The following MBP variants were observed in gnomAD, a reference collection of about 807,000 sequenced individuals.
MBP encodes the protein Golli-MBP.
MBP carries 16 observed loss-of-function variants against 35.8 expected under a neutral mutation model. That is an observed-to-expected ratio of 0.45 (90% confidence interval 0.30 to 0.68). MBP has a LOEUF of 0.68. MBP is among the 30% of genes least tolerant of loss of function. MBP has a pLI of 0.08. For synonymous variants in MBP, 143 were observed against 159.6 expected (o/e 0.90, Z 0.78); for missense variants, 380 against 404.7 (o/e 0.94, Z 0.52).
chr18:77,021,643 C>T (rs981618226), intron 3 of MBP, among the ~76,000 whole-genome samples: 3 of 152,082 alleles, frequency 2.0e-5, no homozygotes, highest in Non-Finnish European at 4.4e-5. Context: ...GCCACTGTGC[C>T]CAGCTAATTT....
At chr18:76,984,341 C>T (rs577225971) in intron 8 of MBP, 175 of 183,194 alleles carry the variant, frequency 9.6e-4, no homozygotes, top group African/African-American at 1.4e-3. Context: ...CATGAGCCGA[C>T]GGGACACTCC....
intron 4 of MBP, among the ~76,000 whole-genome samples, chr18:76,996,961 A>G (rs2123230047): frequency 6.6e-6 from 1 of 152,258 alleles, no homozygotes; most frequent in Admixed American, 6.5e-5. Flanking sequence ...AAATTTTCTG[A>G]TTGGCAGTCT....
chr18:77,043,385 C>T (rs545398438), intron 3 of MBP, among the ~76,000 whole-genome samples: 32 of 152,298 alleles, frequency 2.1e-4, no homozygotes, highest in Non-Finnish European at 4.0e-4. Flanking sequence ...CTTTAAATCT[C>T]ACTGTAACAT....
chr18:77,059,541 AAATT>A (rs144766685), intron 3 of MBP, among the ~76,000 whole-genome samples: 1,641 of 151,842 alleles, frequency 0.011, 37 homozygotes, highest in African/African-American at 0.036. Flanking sequence ...ATTAAAATTA[AAATT>A]AATTAATTTT....
At chr18:77,065,749 T>C (rs1466682185) in intron 3 of MBP, 2 of 153,118 alleles carry the variant, frequency 1.3e-5, no homozygotes, top group Non-Finnish European at 1.5e-5. Flanking sequence ...GCCTGGGAAA[T>C]GCTGAATGTC....
At chr18:77,055,401 G>A (rs1290657878) in intron 3 of MBP, among the ~76,000 whole-genome samples, 2 of 152,180 alleles carry the variant, frequency 1.3e-5, no homozygotes, top group Non-Finnish European at 2.9e-5. Context: ...CCTGACCCAG[G>A]AGGTGCATGG....
intron 7 of MBP, chr18:76,987,084 G>A (rs1969601281): frequency 1.0e-6 from 1 of 985,354 alleles, no homozygotes; most frequent in African/African-American, 1.7e-5. Context: ...AGAGATGCAG[G>A]GAGGAATGCA....
rs74419480 is a variant in MBP, at chr18:77,017,355, C to G, written c.140-87G>C. 1.8e-3 allele frequency: 2,268 copies of G among 1,290,044 alleles called. 41 individuals are homozygous for G. In the African/African-American group the frequency reaches 0.03, roughly 17 times the overall value. 79.9% of individuals were successfully genotyped at this position (1,290,044 alleles called of 1,614,324 possible). Reference sequence around the variant, plus strand: ...CTTTCTCTGAGGGGTCTTGACCTAGCTGTCTCCTATAAAACCCACAGAATA... The same window carrying G: ...CTTTCTCTGAGGGGTCTTGACCTAGGTGTCTCCTATAAAACCCACAGAATA... On this transcript the variant is annotated intron_variant, in intron 3 of 8. Coordinates refer to ENST00000355994, the MANE Select transcript of MBP (RefSeq NM_001025101.2).
At chr18:77,070,391 C>A (rs144760683) in intron 2 of MBP, among the ~76,000 whole-genome samples, 158 of 152,320 alleles carry the variant, frequency 1.0e-3, no homozygotes, top group African/African-American at 3.7e-3. Context: ...GAATCTGTTT[C>A]TTATCCATAA....
At chr18:77,105,458 G>T (rs1976238483) in intron 1 of MBP, among the ~76,000 whole-genome samples, 172 bp from the exon 2 acceptor site, 1 of 152,194 alleles carries the variant, frequency 6.6e-6, no homozygotes, top group Non-Finnish European at 1.5e-5. Context: ...ATTAACACAT[G>T]CTATCTTTCC....
At chr18:77,119,265 CTG>C (rs1976813082) in intron 1 of MBP, among the ~76,000 whole-genome samples, 1 of 152,148 alleles carries the variant, frequency 6.6e-6, no homozygotes, top group Admixed American at 6.5e-5. Flanking sequence ...AGAAGAGCCA[CTG>C]TGTCACTGCC....
At chr18:77,088,132 G>A (rs555011774) in intron 2 of MBP, among the ~76,000 whole-genome samples, 1 of 152,336 alleles carries the variant, frequency 6.6e-6, no homozygotes, top group African/African-American at 2.4e-5. Context: ...TCCGGGATGC[G>A]TCTTCGAGTG....
At chr18:77,111,909 T>C (rs752049623) in intron 1 of MBP, among the ~76,000 whole-genome samples, 2 of 152,272 alleles carry the variant, frequency 1.3e-5, no homozygotes, top group East Asian at 1.9e-4. Flanking sequence ...AAACCAAAGA[T>C]ATCTGAAAGA....
At chr18:77,088,396 A>C (rs1568333832) in intron 2 of MBP, among the ~76,000 whole-genome samples, 2 of 152,142 alleles carry the variant, frequency 1.3e-5, no homozygotes, top group Non-Finnish European at 2.9e-5. Context: ...ACCTCTTAAC[A>C]TTGTCACGTT....
chr18:77,055,340 A>T (rs2144724758), intron 3 of MBP, among the ~76,000 whole-genome samples: 1 of 152,340 alleles, frequency 6.6e-6, no homozygotes, highest in South Asian at 2.1e-4. Flanking sequence ...TGCCCAGAGT[A>T]GGGGGCACAT....
chr18:77,029,314 G>A (rs1972438290), intron 3 of MBP, among the ~76,000 whole-genome samples: 1 of 150,182 alleles, frequency 6.7e-6, no homozygotes, highest in Admixed American at 6.6e-5. Context: ...GGCAGGCTGA[G>A]GCAGGAGAAT....
intron 3 of MBP, 107 bp downstream of exon 3, chr18:77,066,191 T>A: frequency 2.6e-6 from 2 of 782,460 alleles, no homozygotes; most frequent in Non-Finnish European, 4.4e-6. Flanking sequence ...TACAGACAGA[T>A]CCATGGATCA....
intron 1 of MBP, chr18:77,112,473 G>T (rs914640622): frequency 3.3e-5 from 5 of 151,938 alleles, no homozygotes; most frequent in African/African-American, 9.7e-5. Flanking sequence ...GGGAGATGCA[G>T]AAGTTTTTTC....
At chr18:77,060,581 G>A (rs1973940077) in intron 3 of MBP, among the ~76,000 whole-genome samples, 1 of 150,916 alleles carries the variant, frequency 6.6e-6, no homozygotes, top group Non-Finnish European at 1.5e-5. Context: ...CTTCCAAGTA[G>A]CCAGGATTAC....
Sources: gnomAD v4.1 joint callset for allele counts (sites outside exome capture counted in the v4.1 genomes callset) on GRCh38, gnomAD v4.1.1 for gene constraint, MANE v1.5 for transcripts, NCBI Gene and HGNC (gene_info 2026-07-23, HGNC 2026-07-21) for gene names.